The following CDC42BPG variants were observed in gnomAD, a reference collection of about 807,000 sequenced individuals.
CDC42BPG encodes the protein serine/threonine-protein kinase MRCK gamma.
In CDC42BPG, 157 loss-of-function variants were observed where a neutral mutation model predicts 192.2. The ratio of observed to expected loss-of-function variants is 0.82; its 90% CI spans 0.72 to 0.93. The LOEUF is 0.93. CDC42BPG is among the 40% of genes least tolerant of loss of function. The probability of loss-of-function intolerance (pLI) is 0.00; values close to 1 mark genes in which losing one functional copy is unlikely to be tolerated. For synonymous variants in CDC42BPG, 981 were observed against 918.5 expected (o/e 1.07, Z -1.23); for missense variants, 1,992 against 2,122.1 (o/e 0.94, Z 1.20).
At chr11:64,830,680 C>A (rs1202230088) in intron 28 of CDC42BPG, among the ~76,000 whole-genome samples, 4 of 152,232 alleles carry the variant, frequency 2.6e-5, no homozygotes, top group Admixed American at 2.6e-4. Context: ...GCCCTGAGAG[C>A]CGGGCCTGGC....
intron 28 of CDC42BPG, among the ~76,000 whole-genome samples, chr11:64,831,090 T>C (rs746715500): frequency 1.3e-5 from 2 of 152,122 alleles, no homozygotes; most frequent in Non-Finnish European, 2.9e-5. Flanking sequence ...AGGTGGTGCA[T>C]GCCTGCAATC....
intron 1 of CDC42BPG, among the ~76,000 whole-genome samples, chr11:64,843,795 A>T (rs1009536947): frequency 2.0e-5 from 3 of 152,210 alleles, no homozygotes; most frequent in African/African-American, 4.8e-5. Context: ...CTTGGCCAGC[A>T]GCCTGCACAG....
At chr11:64,833,027 G>A (rs1942778736) in intron 24 of CDC42BPG, 68 bp from the exon 25 acceptor site, 23 of 1,474,236 alleles carry the variant, frequency 1.6e-5, no homozygotes, top group Non-Finnish European at 2.1e-5. Context: ...CAGGACGGGG[G>A]CATGTCCAGA....
intron 6 of CDC42BPG, 44 bp from the exon 7 acceptor site, chr11:64,839,277 G>C (rs771782747): frequency 6.2e-7 from 1 of 1,607,550 alleles, no homozygotes; most frequent in Non-Finnish European, 8.5e-7. Context: ...CTTTGGGCTT[G>C]GCTGGGACTG....
In CDC42BPG at chr11:64,831,725, T is replaced by C; in HGVS notation, c.3088-4A>G. 1 of 1,586,628 alleles carries C rather than the reference T, an allele frequency of 6.3e-7. No homozygotes were observed. The highest frequency in any genetic ancestry group is 8.5e-7 in the Non-Finnish European group (1 of 1,170,054). ...CTGCCAGCTGGGAGGTTGTCACCTGTGGGCAAGGACCCCAGCTGGAGGGCC... is the reference window on the plus strand; with the variant it reads ...CTGCCAGCTGGGAGGTTGTCACCTGCGGGCAAGGACCCCAGCTGGAGGGCC... On this transcript the variant is annotated splice_region_variant and splice_polypyrimidine_tract_variant and intron_variant, in intron 27 of 36. Coordinates refer to ENST00000342711, the MANE Select transcript of CDC42BPG (RefSeq NM_017525.3).
At chr11:64,836,718 G>GGGGGGGGGGGGGA in intron 11 of CDC42BPG, 21 bp downstream of exon 11, 3 of 849,752 alleles carry the variant, frequency 3.5e-6, no homozygotes, top group South Asian at 1.7e-5. Flanking sequence ...GGGGGGGGGG[G>GGGGGGGGGGGGGA]GGGGTGGGCG....
intron 21 of CDC42BPG, 40 bp from the exon 22 acceptor site, chr11:64,833,876 T>C (rs1477188900): frequency 6.2e-7 from 1 of 1,614,148 alleles, no homozygotes; most frequent in South Asian, 1.1e-5. Context: ...AAGGTCCCTG[T>C]GCCTCTCCCA....
chr11:64,835,411 C>T lies in CDC42BPG; in HGVS notation c.1889G>A (p.Gly630Asp). 2.5e-6 allele frequency: 4 copies of T among 1,613,778 alleles called. No homozygotes were observed. Among genetic ancestry groups the T allele is most frequent in the Non-Finnish European group, 3.4e-6 (4 of 1,180,010 alleles). ...LEQAHSHRPS[G>D]KEEALCQLQE... ...CAGCTGGCACAGAGCCTCCTCCTTA[C>T]CACTCGGCCTGGGGAGGAGAAGGCC... The change falls in exon 16 of 37, where the codon GGT (glycine) becomes GAT (aspartate). Residue 630 changes from glycine (G) to aspartate (D), a missense_variant. This residue lies in a region of CDC42BPG where 1,656 missense variants were observed against 1,844.3 expected (regional missense o/e 0.90). Coordinates refer to ENST00000342711, the MANE Select transcript of CDC42BPG (RefSeq NM_017525.3).
intron 25 of CDC42BPG, 22 bp from the exon 26 acceptor site, chr11:64,832,765 G>A: frequency 6.3e-7 from 1 of 1,596,442 alleles, no homozygotes; most frequent in Non-Finnish European, 8.5e-7. Flanking sequence ...GCAAGCATGG[G>A]AGGGCTGCAG....
chr11:64,826,243 C>A (rs1210130912), intron 36 of CDC42BPG, among the ~76,000 whole-genome samples: 1 of 152,166 alleles, frequency 6.6e-6, no homozygotes, highest in Non-Finnish European at 1.5e-5. Flanking sequence ...CAGAGCCACA[C>A]AGCTGGAACA....
chr11:64,833,127 T>C (rs757143837), intron 24 of CDC42BPG, 104 bp downstream of exon 24: 36 of 1,270,180 alleles, frequency 2.8e-5, no homozygotes, highest in Non-Finnish European at 3.9e-5. Context: ...GGAGGAAATT[T>C]GACCAGCAGG....
rs150509173 is a variant in CDC42BPG at position 64,838,097 on chromosome 11, G to A, written c.1191C>T (p.Thr397=). ...SGHHLPFVGF[T]YTSGSHSPES... Reference sequence around the variant, plus strand: ...ACTAGCCTCACCTGCCTGAGGTGTAGGTGAAGCCCACGAATGGCAGGTGAT... The same window carrying A: ...ACTAGCCTCACCTGCCTGAGGTGTAAGTGAAGCCCACGAATGGCAGGTGAT... Residue 397 remains threonine, a synonymous_variant, in exon 9 of 37, where the codon ACC becomes ACT. Coordinates refer to ENST00000342711, the MANE Select transcript of CDC42BPG (RefSeq NM_017525.3). 6 of 1,551,620 alleles carry A rather than the reference G, an allele frequency of 3.9e-6. No individual in the cohort carries two copies. The African/African-American group carries it at 6.8e-5, about 18-fold the overall frequency.
Position 64,844,545 on chromosome 11 carries a change from C to G in CDC42BPG, c.25G>C (p.Glu9Gln). 7.7e-7 allele frequency: 1 copy of G among 1,291,088 alleles called. No individual in the cohort carries two copies. The highest frequency in any genetic ancestry group is 9.8e-7 in the Non-Finnish European group (1 of 1,020,412). 80.0% of individuals were successfully genotyped at this position (1,291,088 alleles called of 1,614,324 possible). The change falls in exon 1 of 37, where the codon GAG (glutamate) becomes CAG (glutamine). Residue 9 changes from glutamate to glutamine, a missense_variant. Physicochemically the swap from Glu to Gln is conservative, Grantham distance 29 (BLOSUM62 2). Transcript: ENST00000342711. ...CCGGCCTCGCCCCGCGCCAGCTGCT[C>G]CAGCGCGCGCAGCCGCCGCTCCATG... MERRLRAL[E>Q]QLARGEAGGC...
chr11:64,827,480 C>T (rs1347247082), intron 32 of CDC42BPG, 47 bp downstream of exon 32: 4 of 1,604,304 alleles, frequency 2.5e-6, no homozygotes, highest in African/African-American at 1.3e-5. Context: ...CACAGCCACA[C>T]GTGCGCACTG....
intron 27 of CDC42BPG, among the ~76,000 whole-genome samples, 184 bp downstream of exon 27, chr11:64,832,244 G>A (rs1011266335): frequency 2.6e-5 from 4 of 152,216 alleles, no homozygotes; most frequent in Non-Finnish European, 5.9e-5. Flanking sequence ...CCCGAGCCCC[G>A]CAGACGATGG....
chr11:64,826,983 C>G, intron 34 of CDC42BPG, 67 bp downstream of exon 34: 4 of 1,262,144 alleles, frequency 3.2e-6, no homozygotes, highest in Non-Finnish European at 4.6e-6. Flanking sequence ...GGCTAGAGCT[C>G]ACCACAGAGG....
intron 8 of CDC42BPG, 48 bp from the exon 9 acceptor site, chr11:64,838,210 G>A (rs201660645): frequency 2.8e-5 from 41 of 1,456,094 alleles, no homozygotes; most frequent in South Asian, 2.2e-4. Context: ...GCCAAGGCCC[G>A]AGGCCCAAGG....
In CDC42BPG at chr11:64,835,823, C is replaced by T. The variant is rs542288032; in HGVS notation, c.1697G>A (p.Arg566Gln). 5.3e-5 allele frequency: 86 copies of T among 1,612,732 alleles called. No homozygotes were observed. The highest frequency in any genetic ancestry group is 1.5e-4 in the Admixed American group (9 of 59,936). ...CTGTCCCTGCAGCTGCGTCACCTGC[C>T]GGCTCAGGGAGGACACCTGGGCCTC... is the stretch of plus-strand genomic sequence containing the variant. ...ELEAQVSSLS[R>Q]QVTQLQGQWE... Residue 566 changes from arginine to glutamine, a missense_variant, in exon 14 of 37, where the codon CGG (arginine) becomes CAG (glutamine). Transcript: ENST00000342711.
intron 5 of CDC42BPG, 51 bp downstream of exon 5, chr11:64,840,069 G>A (rs1277871560): frequency 3.9e-6 from 6 of 1,556,686 alleles, no homozygotes; most frequent in Non-Finnish European, 5.3e-6. Flanking sequence ...CAGCTGGCAG[G>A]GGTTGGGCAG....
Sources: gnomAD v4.1 joint callset for allele counts (sites outside exome capture counted in the v4.1 genomes callset) on GRCh38, gnomAD v4.1.1 for gene constraint, gnomAD v4.1.1 regional missense constraint, MANE v1.5 for transcripts, NCBI Gene and HGNC (gene_info 2026-07-23, HGNC 2026-07-21) for gene names.